Variants in MARK2 observed in about 807,000 individuals in gnomAD.
MARK2 encodes the protein serine/threonine-protein kinase MARK2.
In MARK2, 16 loss-of-function variants were observed where a neutral mutation model predicts 89.8. The observed-to-expected ratio is 0.18, with a 90% confidence interval of 0.12 to 0.27. The LOEUF is 0.27. MARK2 is among the 10% of genes least tolerant of loss of function. The probability of loss-of-function intolerance (pLI) is 1.00; values close to 1 mark genes in which losing one functional copy is unlikely to be tolerated. For synonymous variants in MARK2, 382 were observed against 399.5 expected, an observed-to-expected ratio of 0.96 and a Z score of 0.52; for missense variants, 621 against 1,049.9, an observed-to-expected ratio of 0.59 and a Z score of 5.65.
In MARK2 at chr11:63,903,431, A is replaced by G; in HGVS notation, c.1514+273A>G. ...CTCGCTTCTTGACCACGGCCAGGGC[A>G]TGGCAGCTGCCCTCCTCTAGACATG... On this transcript the variant is annotated intron_variant, in intron 14 of 18. Transcript: ENST00000402010. The surrounding 1 kb of genome is among the most constrained non-coding windows in gnomAD (Gnocchi z 5.1). 2.1e-6 allele frequency: 1 copy of G among 473,898 alleles called. No individual in the cohort carries two copies. Among genetic ancestry groups the G allele is most frequent in the South Asian group, 2.1e-5 (1 of 48,370 alleles). The allele number at this position is 473,898 out of a possible 1,614,324, so 29.4% of individuals were successfully genotyped here.
intron 1 of MARK2, among the ~76,000 whole-genome samples, chr11:63,874,735 C>T (rs1409484942): frequency 6.6e-6 from 1 of 152,120 alleles, no homozygotes; most frequent in African/African-American, 2.4e-5. Context: ...ACTTGTCGGC[C>T]CAGCTCACAT....
chr11:63,865,024 G>A (rs1327813947), intron 1 of MARK2, among the ~76,000 whole-genome samples: 5 of 151,886 alleles, frequency 3.3e-5, no homozygotes, highest in African/African-American at 1.2e-4. Flanking sequence ...CAAGTAGCTG[G>A]GACTACAGGC....
intron 1 of MARK2, among the ~76,000 whole-genome samples, chr11:63,864,221 TG>T (rs1476067393): frequency 1.3e-5 from 2 of 152,128 alleles, no homozygotes; most frequent in African/African-American, 4.8e-5. Flanking sequence ...CCCAAAGTGC[TG>T]GGATTACAGG....
intron 1 of MARK2, among the ~76,000 whole-genome samples, chr11:63,894,826 A>C (rs1448849538): frequency 6.6e-6 from 1 of 152,354 alleles, no homozygotes; most frequent in Non-Finnish European, 1.5e-5. Context: ...CACAGGCAGC[A>C]TGGAGGGAGG....
At chr11:63,861,954 G>A (rs1373619861) in intron 1 of MARK2, among the ~76,000 whole-genome samples, 36 of 136,332 alleles carry the variant, frequency 2.6e-4, no homozygotes, top group African/African-American at 9.2e-4. Flanking sequence ...ACGGTGTTTC[G>A]CTCTTGTTGC....
chr11:63,856,768 GTTTTTTTTT>G lies in MARK2; in HGVS notation c.54+17237_54+17245del, dbSNP rs71039681. Among the ~76,000 whole-genome samples the G allele has an allele frequency of 1.9e-3, 103 of 53,812 alleles. 2 individuals carry two copies. Among genetic ancestry groups the G allele is most frequent in the African/African-American group, 6.9e-3 (94 of 13,648 alleles). 35.3% of individuals were successfully genotyped at this position (53,812 alleles called of 152,430 possible). On this transcript the variant is annotated intron_variant, in intron 1 of 18. Coordinates refer to ENST00000402010, the MANE Select transcript of MARK2 (RefSeq NM_001039469.3). ...TTTTTTCCATTTTTAAATTTTTCAT[GTTTTTTTTT>G]TTTTTTTTTTTTTTTTTTTTTTTTT...
At chr11:63,896,283 CAT>C (rs112441845) in intron 3 of MARK2, among the ~76,000 whole-genome samples, 5 of 152,190 alleles carry the variant, frequency 3.3e-5, no homozygotes, top group Admixed American at 3.3e-4. Flanking sequence ...TGCAAAAACA[CAT>C]GTTTGTAGCC....
At chr11:63,888,866 T>A (rs1478556296) in intron 1 of MARK2, 40 of 1,326,246 alleles carry the variant, frequency 3.0e-5, no homozygotes, top group Non-Finnish European at 3.8e-5. Flanking sequence ...GGCCTGGCTC[T>A]TCCCGGCCTC....
intron 1 of MARK2, among the ~76,000 whole-genome samples, chr11:63,871,819 A>C (rs1178770712): frequency 7.5e-6 from 1 of 133,764 alleles, no homozygotes; most frequent in African/African-American, 2.9e-5. Flanking sequence ...GTGGGTGAAG[A>C]GTATTCACTG....
intron 1 of MARK2, among the ~76,000 whole-genome samples, chr11:63,846,353 CA>C (rs112847807): frequency 8.0e-5 from 12 of 150,366 alleles, no homozygotes; most frequent in Non-Finnish European, 1.3e-4. Flanking sequence ...CTCATTTCTA[CA>C]AAAAAAAAAT....
At position 63,903,766 on chromosome 11, in the gene MARK2, C is replaced by G. The variant is rs1297001791; in HGVS notation, c.1515-220C>G. On this transcript the variant is annotated intron_variant, in intron 14 of 18. Transcript: ENST00000402010. This position sits in a 1 kb window ranked among gnomAD's most constrained non-coding sequence, Gnocchi z 5.1. ...TCTCCTTCATTTCTGATTCCTCTTCCCAGGCACTGACCCACCTCGCTGCTT... is the reference window on the plus strand; with the variant it reads ...TCTCCTTCATTTCTGATTCCTCTTCGCAGGCACTGACCCACCTCGCTGCTT... 6.6e-6 allele frequency among the ~76,000 whole-genome samples: 1 copy of G among 152,080 alleles called. No individual in the cohort carries two copies. Among genetic ancestry groups the G allele is most frequent in the African/African-American group, 2.4e-5 (1 of 41,402 alleles).
At chr11:63,898,084 G>T in intron 3 of MARK2, 148 bp from the exon 4 acceptor site, 2 of 679,670 alleles carry the variant, frequency 2.9e-6, no homozygotes, top group Non-Finnish European at 5.3e-6. Flanking sequence ...CCACAGGGAA[G>T]GCCGTGCATG....
intron 11 of MARK2, among the ~76,000 whole-genome samples, chr11:63,901,422 GGT>G (rs147425490): frequency 1.4e-5 from 2 of 139,582 alleles, no homozygotes. Context: ...TACATTTCTG[GGT>G]GTGTGTGTGT....
intron 1 of MARK2, among the ~76,000 whole-genome samples, chr11:63,864,968 C>T (rs1161388852): frequency 6.6e-6 from 1 of 152,138 alleles, no homozygotes; most frequent in Non-Finnish European, 1.5e-5. Context: ...GACGCAGTCT[C>T]GGCCTTGACC....
intron 1 of MARK2, among the ~76,000 whole-genome samples, chr11:63,890,639 C>G (rs116432346): frequency 5.3e-5 from 8 of 152,198 alleles, no homozygotes; most frequent in Non-Finnish European, 1.0e-4. Flanking sequence ...CGGAAAGGCC[C>G]GTAGCATCTC....
intron 1 of MARK2, chr11:63,888,985 C>G (rs772849234): frequency 7.4e-7 from 1 of 1,346,620 alleles, no homozygotes; most frequent in Non-Finnish European, 9.8e-7. Context: ...CCCCTTTTTA[C>G]TCTAGGATTG....
chr11:63,907,926 C>T (rs972148348), intron 17 of MARK2, among the ~76,000 whole-genome samples: 6 of 152,248 alleles, frequency 3.9e-5, no homozygotes, highest in Non-Finnish European at 5.9e-5. Flanking sequence ...AGCCTCGTGC[C>T]GGGCCGTGTG....
chr11:63,844,459 G>C (rs999045681), intron 1 of MARK2, among the ~76,000 whole-genome samples: 5 of 152,152 alleles, frequency 3.3e-5, no homozygotes, highest in African/African-American at 1.2e-4. Flanking sequence ...ACTTCAGCCT[G>C]GGTGACAGAG....
intron 1 of MARK2, among the ~76,000 whole-genome samples, chr11:63,886,359 A>G (rs2135301886): frequency 1.3e-5 from 2 of 151,858 alleles, no homozygotes; most frequent in South Asian, 4.2e-4. Context: ...CCCAGGCGCA[A>G]GTCGTCTTCC....
Sources: allele counts gnomAD v4.1 joint callset (sites outside exome capture counted in the v4.1 genomes callset), GRCh38; gene constraint gnomAD v4.1.1; non-coding constraint Gnocchi (gnomAD v3.1); transcripts MANE v1.5; gene names NCBI Gene and HGNC (gene_info 2026-07-23, HGNC 2026-07-21).